Variants in COLEC10 observed in about 807,000 individuals in gnomAD.
The protein encoded by COLEC10 is collectin subfamily member 10, also known as collectin-10.
In COLEC10, 22 loss-of-function variants were observed where a neutral mutation model predicts 28.4. The observed-to-expected ratio is 0.78, with a 90% CI of 0.55 to 1.11. The LOEUF (loss-of-function observed/expected upper bound fraction) is 1.11. Ranked by LOEUF, COLEC10 falls within the 50% of genes least tolerant of loss-of-function variation. COLEC10 has a pLI of 0.00. For missense variants in COLEC10, 361 were observed against 344.1 expected (o/e 1.05, Z -0.39); for synonymous variants, 125 against 116.1 (o/e 1.08, Z -0.49).
chr8:118,991,622 G>T (rs11992916), upstream of COLEC10, among the ~76,000 whole-genome samples: 1 of 151,932 alleles, frequency 6.6e-6, no homozygotes, highest in Non-Finnish European at 1.5e-5. Flanking sequence ...AAAACTTTTC[G>T]TACCCTTATC....
intron 2 of COLEC10, among the ~76,000 whole-genome samples, chr8:119,016,115 C>A (rs953205499): frequency 6.6e-6 from 1 of 151,984 alleles, no homozygotes; most frequent in Non-Finnish European, 1.5e-5. Flanking sequence ...CACCTATCAA[C>A]CTGTCATCTA....
At chr8:119,063,812 C>A (rs1271750220), upstream of COLEC10, among the ~76,000 whole-genome samples, 1 of 151,012 alleles carries the variant, frequency 6.6e-6, no homozygotes, top group Non-Finnish European at 1.5e-5. Flanking sequence ...CATATTTGGA[C>A]AAACACAAAG....
chr8:119,081,072 T>C (rs1355187753), intron 1 of COLEC10, among the ~76,000 whole-genome samples: 2 of 152,152 alleles, frequency 1.3e-5, no homozygotes. Flanking sequence ...ACATTCTTAT[T>C]TATCCATTTG....
At chr8:119,007,618 T>C (rs904334342) in intron 1 of COLEC10, among the ~76,000 whole-genome samples, 1 of 151,160 alleles carries the variant, frequency 6.6e-6, no homozygotes, top group African/African-American at 2.5e-5. Flanking sequence ...TGTCCAAACT[T>C]TCAACTTACT....
At chr8:119,050,821 C>T (rs2130175838) in intron 2 of COLEC10, among the ~76,000 whole-genome samples, 1 of 152,306 alleles carries the variant, frequency 6.6e-6, no homozygotes. Flanking sequence ...TTCATATGCT[C>T]ATTGCCTGTG....
At chr8:119,068,417 C>T (rs967079081) in intron 1 of COLEC10, 3 of 152,150 alleles carry the variant, frequency 2.0e-5, no homozygotes, top group Non-Finnish European at 4.4e-5. Context: ...GAGCTTAGAG[C>T]TTCCAAATAA....
chr8:118,983,678 T>A, the COLEC10 span, among the ~76,000 whole-genome samples: 1 of 152,004 alleles, frequency 6.6e-6, no homozygotes, highest in Non-Finnish European at 1.5e-5. Context: ...GCAAAGGATA[T>A]GAACAGATAC....
chr8:118,999,927 C>T (rs528078332), intron 1 of COLEC10, among the ~76,000 whole-genome samples: 1 of 151,858 alleles, frequency 6.6e-6, no homozygotes, highest in African/African-American at 2.4e-5. Context: ...GTAAAGAGAG[C>T]AGATATTGAA....
In COLEC10 at chr8:118,999,038, A is replaced by G. The variant is rs192045037; in HGVS notation, n.122+3465A>G. ...TAATTTTCATAAGAACCCCAGGCAC[A>G]AAGTAATGTTACCAATAGAGACAAA... On this transcript the variant is annotated intron_variant and non_coding_transcript_variant, in intron 1 of 6. Coordinates refer to the COLEC10 transcript ENST00000521788. Among the ~76,000 whole-genome samples, 364 of 152,278 alleles carry G rather than the reference A, an allele frequency of 2.4e-3. 4 individuals are homozygous for G. The highest frequency in any genetic ancestry group is 7.4e-3 in the African/African-American group (306 of 41,566).
chr8:119,016,375 C>T (rs1379874831), intron 2 of COLEC10, among the ~76,000 whole-genome samples: 1 of 152,186 alleles, frequency 6.6e-6, no homozygotes, highest in Admixed American at 6.6e-5. Context: ...TTTATGGCTG[C>T]ATAGCATTCC....
In COLEC10 at chr8:119,106,294, A is replaced by G; in HGVS notation, c.*103A>G. 1 of 1,268,562 alleles carries G rather than the reference A, an allele frequency of 7.9e-7. No homozygotes were observed. The highest frequency in any genetic ancestry group is 1.1e-6 in the Non-Finnish European group (1 of 918,838). 78.6% of individuals were successfully genotyped at this position (1,268,562 alleles called of 1,614,324 possible). ...TGTACTACATTTGATCTGAGTCAAC[A>G]TAGCTAGAAAATGCTAAACTGAGGT... On this transcript the variant is annotated 3_prime_UTR_variant, in exon 6 of 6. Transcript: ENST00000332843.
At position 119,022,400 on chromosome 8, in the gene COLEC10, G is replaced by T. The variant is rs1202538647; in HGVS notation, n.235+12847G>T. 3.3e-5 allele frequency among the ~76,000 whole-genome samples: 5 copies of T among 152,130 alleles called. No homozygotes were observed. The East Asian group carries it at 7.7e-4, about 24-fold the overall frequency. On this transcript the variant is annotated intron_variant and non_coding_transcript_variant, in intron 2 of 6. Transcript: ENST00000521788. ...ATGAAGCACCAAAGATTTTTTAAAA[G>T]GTAGGGGAAATGTATGTTAACATTA...
intron 1 of COLEC10, chr8:119,068,792 T>C (rs2247769): frequency 0.38 from 57,764 of 151,696 alleles, 11,705 homozygotes; most frequent in Non-Finnish European, 0.46. Context: ...TGAGTGATCC[T>C]GGGGAGAGGG....
chr8:118,985,900 A>C, the COLEC10 span, among the ~76,000 whole-genome samples: 4 of 152,154 alleles, frequency 2.6e-5, no homozygotes, highest in South Asian at 6.2e-4. Context: ...GACCTATAGC[A>C]GTTCCGATCT....
At chr8:119,016,575 G>A (rs762058286) in intron 2 of COLEC10, among the ~76,000 whole-genome samples, 2 of 151,726 alleles carry the variant, frequency 1.3e-5, no homozygotes, top group Non-Finnish European at 2.9e-5. Flanking sequence ...TGGTGTTTTC[G>A]GTACTAGATC....
chr8:119,058,270 G>T (rs1814796804), intron 2 of COLEC10, among the ~76,000 whole-genome samples: 1 of 151,946 alleles, frequency 6.6e-6, no homozygotes, highest in Admixed American at 6.6e-5. Flanking sequence ...CACTTTTATG[G>T]AGGTATAAAT....
chr8:119,035,477 CT>C (rs1814373851), intron 2 of COLEC10, among the ~76,000 whole-genome samples: 1 of 152,116 alleles, frequency 6.6e-6, no homozygotes, highest in African/African-American at 2.4e-5. Flanking sequence ...AGTGAAAAAC[CT>C]TGGAAGGATG....
the COLEC10 span, among the ~76,000 whole-genome samples, chr8:118,987,052 A>G: frequency 7.2e-5 from 11 of 152,178 alleles, no homozygotes; most frequent in African/African-American, 2.7e-4. Context: ...TTCACCTTTA[A>G]AAAAAGAAAA....
chr8:118,981,166 T>C, the COLEC10 span, among the ~76,000 whole-genome samples: 1 of 152,008 alleles, frequency 6.6e-6, no homozygotes, highest in African/African-American at 2.4e-5. Context: ...CGCCTCAAAG[T>C]GACAAATTCA....
Sources: allele counts gnomAD v4.1 joint callset (sites outside exome capture counted in the v4.1 genomes callset), GRCh38; gene constraint gnomAD v4.1.1; transcripts MANE v1.5; gene names NCBI Gene and HGNC (gene_info 2026-07-23, HGNC 2026-07-21).